SYNE1: variants seen among roughly 807,000 people sequenced by gnomAD.
SYNE1 encodes the protein nesprin-1.
SYNE1 carries 616 observed loss-of-function variants against 1,111.0 expected under a neutral mutation model. The observed-to-expected ratio is 0.55, with a 90% CI of 0.52 to 0.59. The LOEUF (loss-of-function observed/expected upper bound fraction) is 0.59, where lower values mean the gene tolerates loss of function less well. Among genes scored for constraint, SYNE1 ranks in the 20% least tolerant of loss-of-function variants. The pLI, the probability that SYNE1 is intolerant of heterozygous loss-of-function variation, is 0.00. For synonymous variants in SYNE1, 3,855 were observed against 3,825.8 expected (o/e 1.01, Z -0.28); for missense variants, 10,006 against 10,417.0 (o/e 0.96, Z 1.72).
rs752627325 is a variant in SYNE1 at position 152,206,280 on chromosome 6, T to C, written c.22907A>G (p.Asp7636Gly). ...EAGKQLLLSADSGAEAALQAE... is the reference protein window; with the variant it reads ...EAGKQLLLSAGSGAEAALQAE... ...CTGCAAGGCGGCCTCAGCGCCACTGTCCGCCGAGAGAAGGAGTTGCTTGCC... is the reference window on the plus strand; with the variant it reads ...CTGCAAGGCGGCCTCAGCGCCACTGCCCGCCGAGAGAAGGAGTTGCTTGCC... Residue 7636 changes from aspartate (D) to glycine (G), a missense_variant, in exon 126 of 146, where the codon GAC becomes GGC. This residue lies in a region of SYNE1 where 2,182 missense variants were observed against 2,287.8 expected (regional missense o/e 0.95). Coordinates refer to ENST00000367255, the MANE Select transcript of SYNE1 (RefSeq NM_182961.4). 6.2e-7 allele frequency: 1 copy of C among 1,614,008 alleles called. No individual in the cohort carries two copies. Among genetic ancestry groups the C allele is most frequent in the South Asian group, 1.1e-5 (1 of 91,072 alleles).
chr6:152,121,855 T>TA lies in SYNE1; in HGVS notation c.*580dup, dbSNP rs886061186. 1 of 153,942 alleles carries TA rather than the reference T, an allele frequency of 6.5e-6. No homozygotes were observed. The highest frequency in any genetic ancestry group is 6.4e-5 in the Admixed American group (1 of 15,618). The allele number at this position is 153,942 out of a possible 1,614,324, so 9.5% of individuals were successfully genotyped here. ...TACATCTAGTTTTTCTTTATACCTC[T>TA]AAAAAAAAGTGCCTTTTAGATTTAC... On this transcript the variant is annotated 3_prime_UTR_variant, in exon 146 of 146. Transcript: ENST00000367255.
chr6:152,550,962 A>G (rs73782887), intron 3 of SYNE1, among the ~76,000 whole-genome samples: 14,468 of 152,160 alleles, frequency 0.095, 1,354 homozygotes, highest in African/African-American at 0.24. Flanking sequence ...AGAGAGCACA[A>G]AGCAATCAAT....
Position 152,339,383 on chromosome 6 carries a change from T to C in SYNE1, c.12226-17A>G, listed in dbSNP as rs187933142. On this transcript the variant is annotated splice_polypyrimidine_tract_variant and intron_variant, in intron 74 of 145. Coordinates refer to ENST00000367255, the MANE Select transcript of SYNE1 (RefSeq NM_182961.4). ...GTGTTTGACCTGGAAAAGGCAGTTA[T>C]CAGAGTGAAAGAGATGCATCAGCTA... 3.1e-6 allele frequency: 5 copies of C among 1,613,030 alleles called. No individual in the cohort carries two copies. In the Admixed American group the frequency reaches 8.3e-5, roughly 27 times the overall value.
intron 102 of SYNE1, among the ~76,000 whole-genome samples, chr6:152,256,196 G>A (rs965134269): frequency 8.6e-5 from 13 of 151,894 alleles, no homozygotes; most frequent in Admixed American, 3.3e-4. Context: ...TGAGGCGGGC[G>A]GATCACGAGG....
chr6:152,250,747 A>C (rs994133647), intron 104 of SYNE1, among the ~76,000 whole-genome samples: 2 of 152,240 alleles, frequency 1.3e-5, no homozygotes, highest in Non-Finnish European at 2.9e-5. Context: ...CACGTGGGCC[A>C]TTAAAACCAT....
At chr6:152,171,644 A>G (rs1040812215) in intron 130 of SYNE1, among the ~76,000 whole-genome samples, 1 of 152,226 alleles carries the variant, frequency 6.6e-6, no homozygotes, top group Non-Finnish European at 1.5e-5. Flanking sequence ...ATGCCCAGGA[A>G]GAGAGAATAG....
chr6:152,300,595 C>A (rs1589584000), intron 93 of SYNE1, 46 bp downstream of exon 93: 3 of 1,613,058 alleles, frequency 1.9e-6, no homozygotes, highest in East Asian at 4.5e-5. Context: ...TGGAGTCCTG[C>A]ATCTGCCCAG....
intron 14 of SYNE1, among the ~76,000 whole-genome samples, chr6:152,474,216 G>A (rs1406405347): frequency 1.3e-5 from 2 of 151,970 alleles, no homozygotes; most frequent in South Asian, 4.2e-4. Context: ...CAGTTGGCAT[G>A]ATGTCACTGA....
chr6:152,346,715 T>C (rs565836868), intron 73 of SYNE1, among the ~76,000 whole-genome samples: 92 of 150,474 alleles, frequency 6.1e-4, no homozygotes, highest in South Asian at 1.3e-3. Context: ...GAGGCTGAAG[T>C]AGGAGAATGG....
At chr6:152,162,405 T>C (rs892843786) in intron 131 of SYNE1, among the ~76,000 whole-genome samples, 3 of 152,202 alleles carry the variant, frequency 2.0e-5, no homozygotes, top group Non-Finnish European at 4.4e-5. Flanking sequence ...ATCATTTTAT[T>C]GGGGTTTTAG....
In SYNE1 at chr6:152,224,585, C is replaced by T. The variant is rs1270963546; in HGVS notation, c.21431G>A (p.Ser7144Asn). The change falls in exon 117 of 146, where the codon AGT becomes AAT. Residue 7144 changes from serine to asparagine, a missense_variant. Coordinates refer to ENST00000367255, the MANE Select transcript of SYNE1 (RefSeq NM_182961.4). Reference protein sequence around the residue: ...SHKVAFDKINSYLMEARYSLS... With the variant: ...SHKVAFDKINNYLMEARYSLS... Reference sequence around the variant, plus strand: ...AGAGTATCTGGCCTCCATGAGGTAACTGTTTATCTTGTCAAAGGCCACTTT... The same window carrying T: ...AGAGTATCTGGCCTCCATGAGGTAATTGTTTATCTTGTCAAAGGCCACTTT... 6.2e-7 allele frequency: 1 copy of T among 1,613,864 alleles called. No individual in the cohort carries two copies. Among genetic ancestry groups the T allele is most frequent in the African/African-American group, 1.3e-5 (1 of 74,884 alleles).
chr6:152,481,603 C>G (rs1161319776), intron 14 of SYNE1: 2 of 442,296 alleles, frequency 4.5e-6, no homozygotes, highest in South Asian at 3.2e-5. Flanking sequence ...AAAATAGTTT[C>G]AATTAAGTTT....
intron 137 of SYNE1, chr6:152,144,616 A>G (rs1362864246): frequency 6.6e-6 from 1 of 152,190 alleles, no homozygotes; most frequent in Non-Finnish European, 1.5e-5. Context: ...TTGTTTCTAA[A>G]AAAGGCCTTC....
chr6:152,567,945 T>A (rs1326632325), intron 3 of SYNE1, among the ~76,000 whole-genome samples: 1 of 152,190 alleles, frequency 6.6e-6, no homozygotes, highest in East Asian at 1.9e-4. Context: ...AAGAGACTTG[T>A]GTCTATCTAG....
At chr6:152,510,042 A>C in intron 8 of SYNE1, 151 bp downstream of exon 8, 1 of 815,978 alleles carries the variant, frequency 1.2e-6, no homozygotes, top group Non-Finnish European at 2.0e-6. Context: ...TTGTGTTTAT[A>C]TCTCAATTCA....
Position 152,180,293 on chromosome 6 carries a change from A to G in SYNE1, c.23303T>C (p.Leu7768Pro). 6.2e-7 allele frequency: 1 copy of G among 1,613,950 alleles called. No individual in the cohort carries two copies. Among genetic ancestry groups the G allele is most frequent in the East Asian group, 2.2e-5 (1 of 44,842 alleles). The change falls in exon 129 of 146, where the codon CTC (leucine) becomes CCC (proline). Residue 7768 changes from leucine to proline, a missense_variant and splice_region_variant. Physicochemically the swap from Leu to Pro is moderately conservative, Grantham distance 98. Around this residue, in one of 7 missense-constraint regions of SYNE1, gnomAD observed 2,182 missense variants for 2,287.8 expected, o/e 0.95. Transcript: ENST00000367255. ...ACCTATTTGCTGCCGCCTTAAGGAG[A>G]GCTGAAAAGTTTAAAATGGGAGAAT... ...QRQWEELCHQ[L>P]SLRRQQIGER...
chr6:152,455,500 C>G lies in SYNE1; in HGVS notation c.2818G>C (p.Glu940Gln). The G allele has an allele frequency of 6.2e-6, 10 of 1,614,184 alleles. No individual in the cohort carries two copies. Among genetic ancestry groups the G allele is most frequent in the Non-Finnish European group, 8.5e-6 (10 of 1,180,030 alleles). The change falls in exon 24 of 146, where the codon GAG (glutamate) becomes CAG (glutamine). Residue 940 changes from glutamate to glutamine, a missense_variant. Coordinates refer to ENST00000367255, the MANE Select transcript of SYNE1 (RefSeq NM_182961.4). ...TCCTGAGCAATCCGCAGTACCTTCT[C>G]CAACTCTGCTCGAGACTCCTCAAAC... ...KKFEESRAEL[E>Q]KVLRIAQEGL...
intron 85 of SYNE1, among the ~76,000 whole-genome samples, chr6:152,318,537 C>G (rs973340142): frequency 2.0e-5 from 3 of 152,186 alleles, no homozygotes; most frequent in Non-Finnish European, 2.9e-5. Context: ...AACTCATCAA[C>G]AGAGGAAGAA....
chr6:152,140,222 G>T (rs1022366609), intron 139 of SYNE1, 61 bp from the exon 140 acceptor site: 3 of 1,550,238 alleles, frequency 1.9e-6, no homozygotes, highest in African/African-American at 2.7e-5. Flanking sequence ...TTTATGAAAT[G>T]CTTTAAACAT....
Sources: gnomAD v4.1 joint callset for allele counts (sites outside exome capture counted in the v4.1 genomes callset) on GRCh38, gnomAD v4.1.1 for gene constraint, gnomAD v4.1.1 regional missense constraint, MANE v1.5 for transcripts, NCBI Gene and HGNC (gene_info 2026-07-23, HGNC 2026-07-21) for gene names.